Variants in ATP8A2 observed in about 807,000 individuals in gnomAD.
ATP8A2 encodes the protein phospholipid-transporting ATPase IB.
A neutral mutation model predicts 165.6 loss-of-function variants in ATP8A2; 100 were observed. The observed-to-expected ratio is 0.60, with a 90% confidence interval of 0.51 to 0.71. ATP8A2 has a LOEUF of 0.71. ATP8A2 is among the 30% of genes least tolerant of loss of function. ATP8A2 has a pLI of 0.00. For missense variants in ATP8A2, 1,227 were observed against 1,479.5 expected (o/e 0.83, Z 2.80); for synonymous variants, 543 against 548.8 (o/e 0.99, Z 0.15).
intron 1 of ATP8A2, among the ~76,000 whole-genome samples, chr13:25,468,126 T>C (rs2035721350): frequency 6.6e-6 from 1 of 152,164 alleles, no homozygotes; most frequent in African/African-American, 2.4e-5. Context: ...TGGATCCTTC[T>C]CTAGGTCTAG....
rs1003224408 is a variant in ATP8A2, at chr13:25,555,295, GA to G, written c.1263+237del. Among the ~76,000 whole-genome samples, 538 of 146,638 alleles carry G rather than the reference GA, an allele frequency of 3.7e-3. 9 individuals carry two copies. The highest frequency in any genetic ancestry group is 0.012 in the African/African-American group (485 of 39,986). On this transcript the variant is annotated intron_variant, in intron 13 of 36. Coordinates refer to ENST00000381655, the MANE Select transcript of ATP8A2 (RefSeq NM_016529.6). ...ATGTCGTATCACCCAGAAGTAACCA[GA>G]AAAAAAAAAGAAGTAATATAAAAAA...
At chr13:25,893,411 T>C (rs1352124721) in intron 33 of ATP8A2, among the ~76,000 whole-genome samples, 1 of 151,674 alleles carries the variant, frequency 6.6e-6, no homozygotes, top group Non-Finnish European at 1.5e-5. Context: ...TAGTATTCCA[T>C]GGTGTATATG....
intron 23 of ATP8A2, among the ~76,000 whole-genome samples, chr13:25,583,868 C>T (rs927628629): frequency 5.9e-5 from 9 of 152,114 alleles, no homozygotes; most frequent in Non-Finnish European, 1.3e-4. Flanking sequence ...AGTGCTCATG[C>T]CAGAACCGCT....
At chr13:25,410,660 C>A (rs528706960) in intron 1 of ATP8A2, among the ~76,000 whole-genome samples, 1 of 152,162 alleles carries the variant, frequency 6.6e-6, no homozygotes, top group Non-Finnish European at 1.5e-5. Flanking sequence ...GCTGGAAGAA[C>A]GTGCACAGAA....
intron 33 of ATP8A2, among the ~76,000 whole-genome samples, chr13:25,890,909 A>T (rs368539824): frequency 1.3e-5 from 2 of 152,202 alleles, no homozygotes; most frequent in East Asian, 3.9e-4. Context: ...ATGTTTGCCA[A>T]GTTACAACCC....
intron 24 of ATP8A2, among the ~76,000 whole-genome samples, chr13:25,652,177 T>A (rs1350374353): frequency 6.6e-6 from 1 of 152,162 alleles, no homozygotes. Flanking sequence ...TGGTAAAATC[T>A]CAGAATATTT....
At chr13:25,946,904 C>T (rs765296208) in intron 33 of ATP8A2, among the ~76,000 whole-genome samples, 7 of 152,096 alleles carry the variant, frequency 4.6e-5, no homozygotes, top group Non-Finnish European at 8.8e-5. Context: ...TGCACCACCA[C>T]GCCTGGCCAG....
At chr13:25,484,676 G>A (rs979039611) in intron 2 of ATP8A2, among the ~76,000 whole-genome samples, 3 of 151,920 alleles carry the variant, frequency 2.0e-5, no homozygotes, top group Admixed American at 6.6e-5. Context: ...CAGCAGGCCC[G>A]GCTAATTTTT....
At chr13:25,522,721 G>T (rs2037709617) in intron 2 of ATP8A2, among the ~76,000 whole-genome samples, 1 of 152,138 alleles carries the variant, frequency 6.6e-6, no homozygotes, top group Admixed American at 6.5e-5. Context: ...TTATAGATTT[G>T]TATATGTTGA....
chr13:25,470,200 A>C (rs1593355988), intron 2 of ATP8A2, among the ~76,000 whole-genome samples: 1 of 152,308 alleles, frequency 6.6e-6, no homozygotes, highest in Non-Finnish European at 1.5e-5. Flanking sequence ...AATGGTGCAT[A>C]TTATATGGAG....
intron 27 of ATP8A2, among the ~76,000 whole-genome samples, chr13:25,811,370 A>G (rs900318608): frequency 6.6e-6 from 1 of 152,228 alleles, no homozygotes. Context: ...AGTCAATTGC[A>G]TCAAATTTTA....
At chr13:25,501,593 G>T (rs2036854045) in intron 2 of ATP8A2, among the ~76,000 whole-genome samples, 1 of 152,250 alleles carries the variant, frequency 6.6e-6, no homozygotes, top group African/African-American at 2.4e-5. Flanking sequence ...CCCAGGGTCA[G>T]TGAAGCCCCA....
intron 24 of ATP8A2, among the ~76,000 whole-genome samples, chr13:25,653,063 G>A (rs1481752606): frequency 6.6e-6 from 1 of 152,182 alleles, no homozygotes; most frequent in Non-Finnish European, 1.5e-5. Flanking sequence ...CTGCTGGATT[G>A]TAAACGTCTT....
chr13:25,401,066 G>A (rs528912542), intron 1 of ATP8A2, among the ~76,000 whole-genome samples: 202 of 152,176 alleles, frequency 1.3e-3, no homozygotes, highest in Admixed American at 3.1e-3. Flanking sequence ...TAGAATAACT[G>A]CCAGGCACTC....
chr13:25,480,775 C>A lies in ATP8A2; in HGVS notation c.221+11654C>A, dbSNP rs1325832856. Among the ~76,000 whole-genome samples the A allele has an allele frequency of 8.6e-5, 13 of 150,638 alleles. 1 individual carries two copies. The South Asian group carries it at 1.5e-3, about 17-fold the overall frequency. On this transcript the variant is annotated intron_variant, in intron 2 of 36. Coordinates refer to ENST00000381655, the MANE Select transcript of ATP8A2 (RefSeq NM_016529.6). Reference sequence around the variant, plus strand: ...GGGTGGCGGCCGGGCAGAGGCTGCACTCTGGGCACTTTGGGAGGCCAAGGC... The same window carrying A: ...GGGTGGCGGCCGGGCAGAGGCTGCAATCTGGGCACTTTGGGAGGCCAAGGC...
At chr13:25,558,479 A>G (rs111304129) in intron 13 of ATP8A2, among the ~76,000 whole-genome samples, 1 of 152,170 alleles carries the variant, frequency 6.6e-6, no homozygotes, top group Non-Finnish European at 1.5e-5. Flanking sequence ...TGAGTAAGCA[A>G]TTCATGTAAT....
intron 2 of ATP8A2, among the ~76,000 whole-genome samples, chr13:25,519,090 C>A (rs1283085840): frequency 6.8e-6 from 1 of 147,560 alleles, no homozygotes; most frequent in Non-Finnish European, 1.5e-5. Flanking sequence ...TTTACTCTCC[C>A]TCCTACAGGT....
intron 34 of ATP8A2, among the ~76,000 whole-genome samples, chr13:25,965,587 A>G (rs1955758501): frequency 6.6e-6 from 1 of 152,226 alleles, no homozygotes; most frequent in Non-Finnish European, 1.5e-5. Context: ...CTATTTTAAT[A>G]TCCCTGCGCT....
chr13:25,536,993 G>A (rs572200852), intron 6 of ATP8A2, among the ~76,000 whole-genome samples: 12 of 152,330 alleles, frequency 7.9e-5, no homozygotes, highest in African/African-American at 2.9e-4. Context: ...GCTAGCACAC[G>A]GCTATAAAGC....
Sources: allele counts gnomAD v4.1 joint callset (sites outside exome capture counted in the v4.1 genomes callset), GRCh38; gene constraint gnomAD v4.1.1; transcripts MANE v1.5; gene names NCBI Gene and HGNC (gene_info 2026-07-23, HGNC 2026-07-21).